The following TAF4B variants were observed in gnomAD, a reference collection of about 807,000 sequenced individuals.
The protein encoded by TAF4B is transcription initiation factor TFIID subunit 4B.
In TAF4B, 38 loss-of-function variants were observed where a neutral mutation model predicts 86.4. The ratio of observed to expected loss-of-function variants is 0.44; its 90% CI spans 0.34 to 0.58. The LOEUF (loss-of-function observed/expected upper bound fraction) is 0.58, where lower values mean the gene tolerates loss of function less well. Ranked by LOEUF, TAF4B falls within the 20% of genes least tolerant of loss-of-function variation. TAF4B has a pLI of 0.02. For synonymous variants in TAF4B, 388 were observed against 391.2 expected (o/e 0.99, Z 0.10); for missense variants, 988 against 1,027.6 (o/e 0.96, Z 0.53).
chr18:26,265,727 A>G (rs959790273), intron 2 of TAF4B, among the ~76,000 whole-genome samples: 3 of 151,976 alleles, frequency 2.0e-5, no homozygotes, highest in Non-Finnish European at 4.4e-5. Flanking sequence ...ATGCCCGACT[A>G]ATTTTATTTT....
chr18:26,343,943 A>G (rs2057156174), intron 13 of TAF4B, among the ~76,000 whole-genome samples: 1 of 152,230 alleles, frequency 6.6e-6, no homozygotes, highest in Non-Finnish European at 1.5e-5. Context: ...CAATCAACAG[A>G]TACCAGCCCC....
rs941834064 is a variant in TAF4B, at chr18:26,274,647, ATACC to A, written c.598-14_598-11del. On this transcript the variant is annotated splice_polypyrimidine_tract_variant and intron_variant, in intron 3 of 14. Transcript: ENST00000269142. ...ATAGTAATACATGCCTAAATATTTA[ATACC>A]TTTAATTTCAGTCTGTGGCTGTGCC... 1 of 1,613,900 alleles carries A rather than the reference ATACC, an allele frequency of 6.2e-7. No individual in the cohort carries two copies. The highest frequency in any genetic ancestry group is 8.5e-7 in the Non-Finnish European group (1 of 1,179,952).
intron 1 of TAF4B, among the ~76,000 whole-genome samples, chr18:26,259,548 C>G (rs2056135158): frequency 6.6e-6 from 1 of 151,944 alleles, no homozygotes; most frequent in African/African-American, 2.4e-5. Context: ...GTTTTTTGTC[C>G]TTACAATAGT....
At chr18:26,242,687 C>G (rs1184109609) in intron 1 of TAF4B, among the ~76,000 whole-genome samples, 1 of 152,194 alleles carries the variant, frequency 6.6e-6, no homozygotes, top group East Asian at 1.9e-4. Flanking sequence ...CATCGATGGT[C>G]TTTACAATTT....
chr18:26,344,308 C>A (rs2144711804), intron 13 of TAF4B, among the ~76,000 whole-genome samples: 1 of 146,756 alleles, frequency 6.8e-6, no homozygotes, highest in Middle Eastern at 3.5e-3. Context: ...AATAGAAGAA[C>A]AATAATTACA....
chr18:26,371,263 C>G (rs897185505), intron 14 of TAF4B, among the ~76,000 whole-genome samples: 10 of 152,148 alleles, frequency 6.6e-5, no homozygotes, highest in African/African-American at 2.4e-4. Flanking sequence ...CATTTAATAA[C>G]TCAGCTATAA....
chr18:26,387,127 A>C (rs1217838080), intron 14 of TAF4B, among the ~76,000 whole-genome samples: 1 of 152,164 alleles, frequency 6.6e-6, no homozygotes, highest in Admixed American at 6.5e-5. Flanking sequence ...GTGCAGTGGC[A>C]TGATCTTGGC....
intron 12 of TAF4B, among the ~76,000 whole-genome samples, chr18:26,333,785 A>AG (rs2057069823): frequency 1.3e-5 from 2 of 151,996 alleles, no homozygotes; most frequent in Admixed American, 6.6e-5. Flanking sequence ...AATGTGTTTC[A>AG]TTTTTATAAA....
intron 3 of TAF4B, among the ~76,000 whole-genome samples, chr18:26,272,815 A>G (rs1265955210): frequency 6.6e-6 from 1 of 152,186 alleles, no homozygotes; most frequent in Non-Finnish European, 1.5e-5. Flanking sequence ...TTCAGAAGAA[A>G]CTGAGTGGTA....
At chr18:26,238,208 C>A (rs982630810) in intron 1 of TAF4B, among the ~76,000 whole-genome samples, 20 of 152,120 alleles carry the variant, frequency 1.3e-4, no homozygotes, top group African/African-American at 4.8e-4. Context: ...TGTTAGAGTC[C>A]TAAGCATTTT....
At chr18:26,259,910 A>C (rs2056139972) in intron 1 of TAF4B, among the ~76,000 whole-genome samples, 1 of 152,198 alleles carries the variant, frequency 6.6e-6, no homozygotes, top group Non-Finnish European at 1.5e-5. Context: ...ACAGTGTAAA[A>C]GTGTGCCTAT....
chr18:26,282,158 A>G (rs2056458174), intron 6 of TAF4B, 98 bp downstream of exon 6: 1 of 974,742 alleles, frequency 1.0e-6, no homozygotes, highest in South Asian at 1.4e-5. Context: ...TTGAATGTGA[A>G]GATACTGACA....
At chr18:26,245,464 G>A (rs540801872) in intron 1 of TAF4B, among the ~76,000 whole-genome samples, 1 of 152,090 alleles carries the variant, frequency 6.6e-6, no homozygotes, top group Non-Finnish European at 1.5e-5. Flanking sequence ...TGCTGGCTGG[G>A]GTGGCCAGCT....
chr18:26,346,807 A>ATGTGTGTG (rs2057191419), intron 13 of TAF4B, among the ~76,000 whole-genome samples: 1 of 31,460 alleles, frequency 3.2e-5, no homozygotes, highest in African/African-American at 6.9e-5. Flanking sequence ...ATGTGTATAT[A>ATGTGTGTG]TATATATATG....
intron 9 of TAF4B, among the ~76,000 whole-genome samples, chr18:26,310,519 C>T (rs1463570961): frequency 2.0e-5 from 3 of 152,108 alleles, no homozygotes; most frequent in South Asian, 2.1e-4. Flanking sequence ...TTTACTGGCT[C>T]ACTGTGGTAG....
chr18:26,322,535 T>C (rs2056971628), intron 11 of TAF4B, among the ~76,000 whole-genome samples: 1 of 152,170 alleles, frequency 6.6e-6, no homozygotes, highest in Non-Finnish European at 1.5e-5. Context: ...GGCATAGGAC[T>C]GTTAATAATA....
At chr18:26,263,339 T>A (rs2056195756) in intron 1 of TAF4B, among the ~76,000 whole-genome samples, 1 of 151,674 alleles carries the variant, frequency 6.6e-6, no homozygotes, top group Admixed American at 6.6e-5. Flanking sequence ...AGTAGTTAGT[T>A]GTACTAAATT....
chr18:26,293,476 C>G lies in TAF4B; in HGVS notation c.1777C>G (p.Gln593Glu). 6.3e-7 allele frequency: 1 copy of G among 1,596,816 alleles called. No homozygotes were observed. Among genetic ancestry groups the G allele is most frequent in the Non-Finnish European group, 8.5e-7 (1 of 1,175,396 alleles). The change falls in exon 9 of 15, where the codon CAA (glutamine) becomes GAA (glutamate). Residue 593 changes from glutamine (Q) to glutamate (E), a missense_variant. Around this residue, in one of 3 missense-constraint regions of TAF4B, gnomAD observed 747 missense variants for 737.9 expected, o/e 1.01. Coordinates refer to ENST00000269142, the MANE Select transcript of TAF4B (RefSeq NM_005640.3). ...GCCTGGAAATAAAATTCTGTCACTT[C>G]AAGCATCTCCTACTCAGAAAAATAG... is the stretch of plus-strand genomic sequence containing the variant. ...TLPGNKILSLQASPTQKNRIK... is the reference protein window; with the variant it reads ...TLPGNKILSLEASPTQKNRIK...
intron 5 of TAF4B, among the ~76,000 whole-genome samples, chr18:26,279,528 G>A (rs1282318518): frequency 7.3e-6 from 1 of 137,304 alleles, no homozygotes; most frequent in African/African-American, 2.8e-5. Context: ...AGCCTGAATA[G>A]CCAAAACAAT....
Sources: allele counts gnomAD v4.1 joint callset (sites outside exome capture counted in the v4.1 genomes callset), GRCh38; gene constraint gnomAD v4.1.1; regional missense constraint gnomAD v4.1.1; transcripts MANE v1.5; gene names NCBI Gene and HGNC (gene_info 2026-07-23, HGNC 2026-07-21).